TRIM2: variants seen among roughly 807,000 people sequenced by gnomAD.
The protein encoded by TRIM2 is tripartite motif containing 2.
In TRIM2, 20 loss-of-function variants were observed where a neutral mutation model predicts 75.2. The ratio of observed to expected loss-of-function variants is 0.27; its 90% confidence interval spans 0.19 to 0.39. The LOEUF is 0.39. Among genes scored for constraint, TRIM2 ranks in the 10% least tolerant of loss-of-function variants. The pLI is 1.00. For synonymous variants in TRIM2, 373 were observed against 388.3 expected, an observed-to-expected ratio of 0.96 and a Z score of 0.46; for missense variants, 660 against 990.8, an observed-to-expected ratio of 0.67 and a Z score of 4.48.
At chr4:153,232,309 GC>G (rs765834506) in intron 1 of TRIM2, among the ~76,000 whole-genome samples, 2 of 152,086 alleles carry the variant, frequency 1.3e-5, no homozygotes, top group Non-Finnish European at 2.9e-5. Context: ...GACCAGCCTG[GC>G]CAACATGGTG....
rs72414117 is a variant in TRIM2, at chr4:153,273,270, C to CTT, written c.216-2601_216-2600dup. On this transcript the variant is annotated intron_variant, in intron 2 of 11. Coordinates refer to ENST00000338700, the MANE Select transcript of TRIM2 (RefSeq NM_015271.5). ...ACTCAGTGAGCACCTTACAGTCACTCTTTTTTTTTTTTTTTTTTTTTTTGA... is the reference window on the plus strand; with the variant it reads ...ACTCAGTGAGCACCTTACAGTCACTCTTTTTTTTTTTTTTTTTTTTTTTTTGA... Among the ~76,000 whole-genome samples, 180 of 57,370 alleles carry CTT rather than the reference C, an allele frequency of 3.1e-3. 12 individuals are homozygous for CTT. Among genetic ancestry groups the CTT allele is most frequent in the African/African-American group, 4.5e-3 (64 of 14,296 alleles). The allele number at this position is 57,370 out of a possible 152,430, so 37.6% of individuals were successfully genotyped here. A position where few individuals can be genotyped will look rare whatever the true frequency, so the allele number is the denominator to read the frequency against.
chr4:153,237,723 A>G (rs919156476), intron 1 of TRIM2, among the ~76,000 whole-genome samples: 10 of 152,218 alleles, frequency 6.6e-5, no homozygotes, highest in African/African-American at 2.4e-4. Context: ...AAATGTAAAT[A>G]CATAAACACA....
At position 153,270,074 on chromosome 4, in the gene TRIM2, G is replaced by A. The variant is rs41280463; in HGVS notation, c.31-261G>A. Among the ~76,000 whole-genome samples, 17,024 of 151,962 alleles carry A rather than the reference G, an allele frequency of 0.11. 1,186 individuals carry two copies. Among genetic ancestry groups the A allele is most frequent in the Non-Finnish European group, 0.16 (11,193 of 67,914 alleles). ...CTCCTGAGTAGCTGAGGCAACAGGC[G>A]TGTGCCACCACACCCGGCTAATTTT... On this transcript the variant is annotated intron_variant, in intron 1 of 11. Transcript: ENST00000338700.
At position 153,338,719 on chromosome 4, in the gene TRIM2, G is replaced by A; in HGVS notation, c.*3753G>A. 1 of 985,724 alleles carries A rather than the reference G, an allele frequency of 1.0e-6. No homozygotes were observed. The allele number at this position is 985,724 out of a possible 1,614,324, so 61.1% of individuals were successfully genotyped here. ...GTGTGGCAGTGATTGGTCTGTTTGT[G>A]GAGAATGTATGAAAGCTATTAATAT... On this transcript the variant is annotated 3_prime_UTR_variant, in exon 12 of 12. Transcript: ENST00000338700.
At chr4:153,304,187 C>T (rs1202957292) in intron 6 of TRIM2, among the ~76,000 whole-genome samples, 1 of 152,078 alleles carries the variant, frequency 6.6e-6, no homozygotes, top group Non-Finnish European at 1.5e-5. Context: ...GATCTCAGCT[C>T]ACTTTAATCT....
At chr4:153,191,284 C>T (rs1442874407) in intron 1 of TRIM2, among the ~76,000 whole-genome samples, 1 of 152,206 alleles carries the variant, frequency 6.6e-6, no homozygotes, top group Non-Finnish European at 1.5e-5. Flanking sequence ...CCCTCTTTTC[C>T]AGATCAGTCA....
chr4:153,230,072 G>T (rs761582962), intron 1 of TRIM2, among the ~76,000 whole-genome samples: 3 of 152,330 alleles, frequency 2.0e-5, no homozygotes, highest in Middle Eastern at 6.8e-3. Flanking sequence ...ACCCCTGCCC[G>T]TGTCCTAGAT....
intron 1 of TRIM2, among the ~76,000 whole-genome samples, chr4:153,268,556 A>C (rs931010233): frequency 6.6e-6 from 1 of 152,166 alleles, no homozygotes; most frequent in Admixed American, 6.5e-5. Flanking sequence ...TCTGTCTTTT[A>C]TTTTCTTTTT....
chr4:153,319,722 C>T (rs1768503130), intron 8 of TRIM2, among the ~76,000 whole-genome samples: 1 of 151,666 alleles, frequency 6.6e-6, no homozygotes, highest in Non-Finnish European at 1.5e-5. Context: ...AAGAGCAAAA[C>T]TCTGTCTCAA....
chr4:153,232,360 G>A (rs989400503), intron 1 of TRIM2, among the ~76,000 whole-genome samples: 5 of 152,184 alleles, frequency 3.3e-5, no homozygotes, highest in Admixed American at 1.3e-4. Context: ...TTAGCTGGTC[G>A]TGGTGGCGCA....
chr4:153,251,853 C>T (rs1050235851), intron 1 of TRIM2, among the ~76,000 whole-genome samples: 2 of 152,040 alleles, frequency 1.3e-5, no homozygotes, highest in Non-Finnish European at 2.9e-5. Flanking sequence ...TGGTGGTACA[C>T]GCCTGTAGTC....
At chr4:153,184,605 G>A (rs1217734853) in intron 1 of TRIM2, among the ~76,000 whole-genome samples, 3 of 152,154 alleles carry the variant, frequency 2.0e-5, no homozygotes, top group Non-Finnish European at 4.4e-5. Context: ...CCCCAGTCCA[G>A]TCTCCCCAGT....
chr4:153,206,508 T>C (rs1248845249), intron 1 of TRIM2, among the ~76,000 whole-genome samples: 1 of 152,162 alleles, frequency 6.6e-6, no homozygotes, highest in Non-Finnish European at 1.5e-5. Context: ...AGGGAGGGTC[T>C]TGGAGCTTTC....
chr4:153,212,403 G>A (rs1737293714), intron 1 of TRIM2, among the ~76,000 whole-genome samples: 1 of 152,202 alleles, frequency 6.6e-6, no homozygotes, highest in Non-Finnish European at 1.5e-5. Context: ...GAAGATGGAA[G>A]GGGATAAAGG....
rs1770230545 is a variant in TRIM2 at position 153,326,629 on chromosome 4, A to C, written c.2023-1901A>C. On this transcript the variant is annotated intron_variant, in intron 10 of 11. Coordinates refer to ENST00000338700, the MANE Select transcript of TRIM2 (RefSeq NM_015271.5). ...GATTTGGCATCCTTCATTATCCCAA[A>C]ATGAAGCAAAACTACTTGAGTCATT... Among the ~76,000 whole-genome samples, 3 of 152,208 alleles carry C rather than the reference A, an allele frequency of 2.0e-5. No homozygotes were observed. The South Asian group carries it at 6.2e-4, about 32-fold the overall frequency.
chr4:153,152,664 G>T (rs1728835991), upstream of TRIM2: 1 of 151,936 alleles, frequency 6.6e-6, no homozygotes, highest in Admixed American at 6.6e-5. Context: ...GTTGGTGCGC[G>T]CGACTGAAAC....
At chr4:153,271,411 A>G (rs1305183880) in intron 2 of TRIM2, among the ~76,000 whole-genome samples, 21 of 152,234 alleles carry the variant, frequency 1.4e-4, no homozygotes, top group Admixed American at 1.3e-3. Context: ...CTGATTTAAC[A>G]TGTCTTTATT....
intron 1 of TRIM2, among the ~76,000 whole-genome samples, chr4:153,191,927 C>A (rs566527281): frequency 2.1e-4 from 32 of 152,252 alleles, no homozygotes; most frequent in South Asian, 2.1e-3. Flanking sequence ...ATAGAAGCTT[C>A]CCTTCATCAA....
intron 1 of TRIM2, among the ~76,000 whole-genome samples, chr4:153,267,697 C>G (rs1404427309): frequency 3.3e-5 from 5 of 152,170 alleles, no homozygotes; most frequent in Non-Finnish European, 5.9e-5. Flanking sequence ...AGTATGACCT[C>G]CTGCCTAGGG....
Sources: gnomAD v4.1 joint callset for allele counts (sites outside exome capture counted in the v4.1 genomes callset) on GRCh38, gnomAD v4.1.1 for gene constraint, MANE v1.5 for transcripts, NCBI Gene and HGNC (gene_info 2026-07-23, HGNC 2026-07-21) for gene names.